The following IL1RAPL1 variants were observed in gnomAD, a reference collection of about 807,000 sequenced individuals.
IL1RAPL1 encodes the protein interleukin-1 receptor accessory protein-like 1.
IL1RAPL1 carries 3 observed loss-of-function variants against 48.4 expected under a neutral mutation model. That is an observed-to-expected ratio of 0.06 (90% confidence interval 0.03 to 0.16). IL1RAPL1 has a LOEUF of 0.16. IL1RAPL1 is among the 10% of genes least tolerant of loss of function. The pLI is 1.00. For synonymous variants in IL1RAPL1, 185 were observed against 187.7 expected (o/e 0.99, Z 0.12); for missense variants, 349 against 530.6 (o/e 0.66, Z 3.36).
chrX:29,917,225 A>G (rs1261986129), intron 6 of IL1RAPL1, among the ~76,000 whole-genome samples: 1 of 112,463 alleles, frequency 8.9e-6, no homozygotes, highest in Non-Finnish European at 1.9e-5. Flanking sequence ...GTTCTGTACA[A>G]TAGCCGACCA....
At chrX:29,738,190 A>G (rs1928098179) in intron 6 of IL1RAPL1, among the ~76,000 whole-genome samples, 1 of 110,893 alleles carries the variant, frequency 9.0e-6, no homozygotes, top group Non-Finnish European at 1.9e-5. Flanking sequence ...CCTTTTTTCC[A>G]CCCCAAGCTC....
At chrX:29,146,939 A>C (rs1037031818) in intron 2 of IL1RAPL1, among the ~76,000 whole-genome samples, 3 of 112,427 alleles carry the variant, frequency 2.7e-5, no homozygotes, top group African/African-American at 9.7e-5. Context: ...AGAAGAAAAA[A>C]ATTAAGCCTA....
At chrX:29,473,634 A>T (rs1052325624) in intron 5 of IL1RAPL1, among the ~76,000 whole-genome samples, 1 of 83,232 alleles carries the variant, frequency 1.2e-5, no homozygotes, top group Non-Finnish European at 2.2e-5. Context: ...GCCATTTTGC[A>T]TGGCTTATTT....
At chrX:28,862,968 G>A (rs189414011) in intron 2 of IL1RAPL1, among the ~76,000 whole-genome samples, 5 of 110,025 alleles carry the variant, frequency 4.5e-5, no homozygotes, top group South Asian at 3.9e-4. Context: ...GGCAACATCC[G>A]CCTCCCCGGT....
At chrX:29,643,260 T>G (rs536420431) in intron 5 of IL1RAPL1, among the ~76,000 whole-genome samples, 1 of 111,513 alleles carries the variant, frequency 9.0e-6, no homozygotes, top group Non-Finnish European at 1.9e-5. Flanking sequence ...TGAATTCTGG[T>G]GTCTGTGTTG....
chrX:29,637,424 T>C (rs1464500618), intron 5 of IL1RAPL1, among the ~76,000 whole-genome samples: 1 of 110,257 alleles, frequency 9.1e-6, no homozygotes, highest in Non-Finnish European at 1.9e-5. Context: ...CTGGATGTGG[T>C]TTAAGGAGAA....
intron 5 of IL1RAPL1, among the ~76,000 whole-genome samples, chrX:29,559,446 A>G (rs1922113034): frequency 8.9e-6 from 1 of 111,997 alleles, no homozygotes; most frequent in Non-Finnish European, 1.9e-5. Context: ...CAGTGAAGCC[A>G]TTTGATCCTG....
intron 5 of IL1RAPL1, among the ~76,000 whole-genome samples, chrX:29,550,337 G>A (rs987929132): frequency 2.7e-5 from 3 of 110,659 alleles, no homozygotes; most frequent in Admixed American, 9.6e-5. Flanking sequence ...GACTACAGGC[G>A]CCCGCCACCA....
Position 29,645,469 on chromosome X carries a change from G to A in IL1RAPL1, c.704-22961G>A, listed in dbSNP as rs773266179. Among the ~76,000 whole-genome samples the A allele has an allele frequency of 8.1e-5, 9 of 111,432 alleles. No homozygotes were observed. The East Asian group carries it at 2.3e-3, about 28-fold the overall frequency. ...GCTTGGGGGAAAGAGAGGGAAGTAA[G>A]CATAAGACTTTGCCTGCTACAATGA... is the stretch of plus-strand genomic sequence containing the variant. On this transcript the variant is annotated intron_variant, in intron 5 of 10. Coordinates refer to ENST00000378993, the MANE Select transcript of IL1RAPL1 (RefSeq NM_014271.4).
At chrX:29,692,162 C>A (rs1490133918) in intron 6 of IL1RAPL1, among the ~76,000 whole-genome samples, 1 of 112,203 alleles carries the variant, frequency 8.9e-6, no homozygotes, top group Non-Finnish European at 1.9e-5. Flanking sequence ...TAAACACCTG[C>A]AACTATAGCT....
At chrX:29,530,904 C>T (rs972303489) in intron 5 of IL1RAPL1, among the ~76,000 whole-genome samples, 7 of 111,970 alleles carry the variant, frequency 6.3e-5, no homozygotes, top group African/African-American at 9.7e-5. Context: ...GTTATTTGTT[C>T]GAACCTTTGG....
At chrX:29,161,711 A>G (rs1009190287) in intron 2 of IL1RAPL1, among the ~76,000 whole-genome samples, 2 of 112,127 alleles carry the variant, frequency 1.8e-5, no homozygotes, top group Admixed American at 1.9e-4. Context: ...ATCTGTTGAG[A>G]TGCTGGCAAG....
chrX:29,161,740 C>T (rs773173768), intron 2 of IL1RAPL1, among the ~76,000 whole-genome samples: 66 of 112,046 alleles, frequency 5.9e-4, no homozygotes, highest in Middle Eastern at 9.2e-3. Flanking sequence ...GAAATAACAA[C>T]GCTTTTACAC....
chrX:29,141,493 A>G (rs758882956), intron 2 of IL1RAPL1, among the ~76,000 whole-genome samples: 2 of 111,541 alleles, frequency 1.8e-5, no homozygotes, highest in African/African-American at 3.2e-5. Context: ...TTTTATTCTT[A>G]CCCTTAATAT....
intron 6 of IL1RAPL1, among the ~76,000 whole-genome samples, chrX:29,742,711 A>G (rs1928236896): frequency 8.9e-6 from 1 of 112,210 alleles, no homozygotes. Flanking sequence ...CAGCATTGCA[A>G]CCAGATGTCA....
At chrX:29,548,040 T>C (rs900624084) in intron 5 of IL1RAPL1, among the ~76,000 whole-genome samples, 2 of 112,518 alleles carry the variant, frequency 1.8e-5, no homozygotes, top group African/African-American at 6.4e-5. Flanking sequence ...CACCTTTGCC[T>C]TCTACAGTCT....
At chrX:28,810,941 TC>T (rs1355779595) in intron 2 of IL1RAPL1, among the ~76,000 whole-genome samples, 1 of 110,369 alleles carries the variant, frequency 9.1e-6, no homozygotes, top group East Asian at 2.9e-4. Context: ...ATCCAGTTTT[TC>T]TTTTTTTTCT....
At position 29,388,106 on chromosome X, in the gene IL1RAPL1, C is replaced by CAAAAAA. The variant is rs71862742; in HGVS notation, c.363-8135_363-8130dup. 5.0e-4 allele frequency among the ~76,000 whole-genome samples: 26 copies of CAAAAAA among 51,704 alleles called. 1 individual carries two copies. Among genetic ancestry groups the CAAAAAA allele is most frequent in the Non-Finnish European group, 6.4e-4 (19 of 29,838 alleles). The allele number at this position is 51,704 out of a possible 115,157, so 44.9% of individuals were successfully genotyped here. On this transcript the variant is annotated intron_variant, in intron 3 of 10. Transcript: ENST00000378993. ...TGGGAGTTGTTTAGAAAGGTTAAGC[C>CAAAAAA]AAAAAAAAAAAAAAAAAAAAAAGCA...
intron 2 of IL1RAPL1, among the ~76,000 whole-genome samples, chrX:28,993,109 C>T (rs1049207976): frequency 9.0e-6 from 1 of 111,601 alleles, no homozygotes; most frequent in African/African-American, 3.3e-5. Flanking sequence ...TAACATTCAG[C>T]GAAATTGCGA....
Sources: allele counts gnomAD v4.1 joint callset (sites outside exome capture counted in the v4.1 genomes callset), GRCh38; gene constraint gnomAD v4.1.1; transcripts MANE v1.5; gene names NCBI Gene and HGNC (gene_info 2026-07-23, HGNC 2026-07-21).